Variants in CREB1 observed in about 807,000 individuals in gnomAD.
CREB1 encodes cAMP responsive element binding protein 1.
Under a neutral mutation model 42.0 loss-of-function variants are expected in CREB1, and 2 were observed. The observed-to-expected ratio is 0.05, with a 90% CI of 0.02 to 0.15. CREB1 has a LOEUF of 0.15. CREB1 is among the 10% of genes least tolerant of loss of function. CREB1 has a pLI of 1.00. For synonymous variants in CREB1, 123 were observed against 139.9 expected (o/e 0.88, Z 0.85); for missense variants, 199 against 388.9 (o/e 0.51, Z 4.11).
At chr2:207,530,217 C>T (rs1324341254) in intron 1 of CREB1, 83 bp downstream of exon 1, 2 of 152,670 alleles carry the variant, frequency 1.3e-5, no homozygotes, top group African/African-American at 4.8e-5. Flanking sequence ...GACACCCGCG[C>T]TTGGGGCCTT....
In CREB1 at chr2:207,597,183, G is replaced by A; in HGVS notation, c.*125G>A. 8.0e-6 allele frequency: 8 copies of A among 1,005,560 alleles called. No homozygotes were observed. Among genetic ancestry groups the A allele is most frequent in the Non-Finnish European group, 1.1e-5 (8 of 720,266 alleles). 62.3% of individuals were successfully genotyped at this position (1,005,560 alleles called of 1,614,324 possible). A position where few individuals can be genotyped will look rare whatever the true frequency, so the allele number is the denominator to read the frequency against. ...TTTCTATGCGCAAAACTGCCTGAAA[G>A]CAACTACAGAATTTCATTCATTTGT... On this transcript the variant is annotated 3_prime_UTR_variant, in exon 8 of 8. Transcript: ENST00000353267.
chr2:207,545,022 C>T (rs2081243768), intron 1 of CREB1, among the ~76,000 whole-genome samples: 1 of 152,132 alleles, frequency 6.6e-6, no homozygotes, highest in Non-Finnish European at 1.5e-5. Context: ...CTGCAGTTAA[C>T]ATATGCGTGC....
At chr2:207,545,907 A>AT (rs1038663399) in intron 1 of CREB1, among the ~76,000 whole-genome samples, 3 of 151,662 alleles carry the variant, frequency 2.0e-5, no homozygotes, top group East Asian at 2.0e-4. Flanking sequence ...CTAATTTTGT[A>AT]TTTTTTTAGT....
chr2:207,577,054 TC>T lies in CREB1; in HGVS notation c.689-450del, dbSNP rs1417898699. Reference sequence around the variant, plus strand: ...AATAGTTGACCATAATGCTTTATCTTCTTTTTCATTTTGCTATTTTATGAAA... The same window carrying T: ...AATAGTTGACCATAATGCTTTATCTTTTTTTCATTTTGCTATTTTATGAAA... On this transcript the variant is annotated intron_variant, in intron 6 of 7. Transcript: ENST00000353267. 4 of 955,032 alleles carry T rather than the reference TC, an allele frequency of 4.2e-6. No homozygotes were observed. In the African/African-American group the frequency reaches 5.3e-5, roughly 13 times the overall value. 59.2% of individuals were successfully genotyped at this position (955,032 alleles called of 1,614,324 possible).
At chr2:207,579,794 A>G (rs917684616) in intron 7 of CREB1, among the ~76,000 whole-genome samples, 3 of 152,170 alleles carry the variant, frequency 2.0e-5, no homozygotes, top group South Asian at 4.1e-4. Context: ...TGACTAGCAT[A>G]CCGCTCATAT....
intron 2 of CREB1, among the ~76,000 whole-genome samples, chr2:207,556,590 G>A (rs566220594): frequency 6.6e-5 from 10 of 152,338 alleles, no homozygotes; most frequent in Admixed American, 1.3e-4. Flanking sequence ...GTGTCTGGCT[G>A]AGGTAGTGTG....
intron 3 of CREB1, chr2:207,561,193 A>T (rs150504199): frequency 6.4e-7 from 1 of 1,551,316 alleles, no homozygotes. Flanking sequence ...GGAGAGAACT[A>T]TTATTAGAAA....
intron 1 of CREB1, among the ~76,000 whole-genome samples, chr2:207,547,858 AG>A (rs2081353589): frequency 6.6e-6 from 1 of 152,170 alleles, no homozygotes; most frequent in African/African-American, 2.4e-5. Context: ...TCTTGTTGAA[AG>A]GCGCTATAGA....
chr2:207,542,964 A>G (rs1242684273), intron 1 of CREB1, among the ~76,000 whole-genome samples: 2 of 152,222 alleles, frequency 1.3e-5, no homozygotes, highest in African/African-American at 4.8e-5. Context: ...TTTAATTTGA[A>G]GCACAGTTGT....
At chr2:207,564,690 C>T (rs993258885) in intron 3 of CREB1, among the ~76,000 whole-genome samples, 3 of 151,962 alleles carry the variant, frequency 2.0e-5, no homozygotes, top group Non-Finnish European at 2.9e-5. Context: ...ATAATCGAAA[C>T]GGGGTCCTCC....
In CREB1 at chr2:207,585,553, CAAT is replaced by C. The variant is rs531786616; in HGVS notation, c.839+7902_839+7904del. ...GAAACACGATACCTCCAAAGGAACA[CAAT>C]AATTTTCCACTAACAGATCTCAAAG... On this transcript the variant is annotated intron_variant, in intron 7 of 7. Transcript: ENST00000353267. Among the ~76,000 whole-genome samples, 141 of 152,172 alleles carry C rather than the reference CAAT, an allele frequency of 9.3e-4. 1 individual carries two copies. In the South Asian group the frequency reaches 0.028, roughly 31 times the overall value.
chr2:207,530,473 C>G (rs1245900651), intron 1 of CREB1, among the ~76,000 whole-genome samples: 4 of 143,222 alleles, frequency 2.8e-5, no homozygotes, highest in Admixed American at 6.9e-5. Context: ...AGCTGGCGCC[C>G]GCGTTCCCGC....
intron 4 of CREB1, 102 bp from the exon 5 acceptor site, chr2:207,570,077 C>T (rs1431310509): frequency 6.2e-6 from 4 of 644,336 alleles, no homozygotes; most frequent in Non-Finnish European, 1.0e-5. Context: ...CTGTCCTAAG[C>T]ACTAGCAGCT....
chr2:207,601,539 C>CT lies in CREB1; in HGVS notation c.*4481_*4482insT. On this transcript the variant is annotated 3_prime_UTR_variant, in exon 8 of 8. Coordinates refer to ENST00000353267, the MANE Select transcript of CREB1 (RefSeq NM_004379.5). ...GATGAAGATTGAAGGGAAAATAACTCAAGTGCATAATATTTATTTTCAATT... is the reference window on the plus strand; with the variant it reads ...GATGAAGATTGAAGGGAAAATAACTCTAAGTGCATAATATTTATTTTCAATT... 5.0e-6 allele frequency: 1 copy of CT among 198,398 alleles called. No homozygotes were observed. The highest frequency in any genetic ancestry group is 1.0e-5 in the Non-Finnish European group (1 of 95,998). 12.3% of individuals were successfully genotyped at this position (198,398 alleles called of 1,614,324 possible).
chr2:207,537,495 G>A (rs1049091421), intron 1 of CREB1, among the ~76,000 whole-genome samples: 2 of 152,306 alleles, frequency 1.3e-5, no homozygotes, highest in Admixed American at 1.3e-4. Context: ...TGCCTCTTGG[G>A]GTGGAGGCAA....
chr2:207,603,547 G>A lies in CREB1; in HGVS notation c.*6489G>A, dbSNP rs988124123. ...TACAATATATTACAAGCTTGTGTTG[G>A]AAGGCAGCAAAACTAATTCAGACAA... On this transcript the variant is annotated 3_prime_UTR_variant, in exon 8 of 8. Coordinates refer to ENST00000353267, the MANE Select transcript of CREB1 (RefSeq NM_004379.5). The A allele has an allele frequency of 1.8e-5, 4 of 223,856 alleles. No homozygotes were observed. The highest frequency in any genetic ancestry group is 2.2e-5 in the African/African-American group (1 of 44,818). 13.9% of individuals were successfully genotyped at this position (223,856 alleles called of 1,614,324 possible).
At chr2:207,563,325 T>C (rs1232379190) in intron 3 of CREB1, among the ~76,000 whole-genome samples, 1 of 152,224 alleles carries the variant, frequency 6.6e-6, no homozygotes, top group Non-Finnish European at 1.5e-5. Context: ...ACCCTAGGAA[T>C]AGAACTTTGT....
At chr2:207,585,849 AG>A (rs2083727484) in intron 7 of CREB1, among the ~76,000 whole-genome samples, 1 of 152,190 alleles carries the variant, frequency 6.6e-6, no homozygotes, top group Non-Finnish European at 1.5e-5. Context: ...CACACTAAAA[AG>A]GATGAAGAAA....
intron 6 of CREB1, chr2:207,576,655 T>TGTCA (rs1442979288): frequency 3.1e-6 from 4 of 1,291,808 alleles, no homozygotes; most frequent in Non-Finnish European, 4.0e-6. Context: ...TAAAGCAGGA[T>TGTCA]GTCAGTGAAT....
Sources: gnomAD v4.1 joint callset for allele counts (sites outside exome capture counted in the v4.1 genomes callset) on GRCh38, gnomAD v4.1.1 for gene constraint, MANE v1.5 for transcripts, NCBI Gene and HGNC (gene_info 2026-07-23, HGNC 2026-07-21) for gene names.